Variants in SHPRH observed in about 807,000 individuals in gnomAD.
SHPRH encodes SNF2 histone linker PHD RING helicase.
In SHPRH, 106 loss-of-function variants were observed where a neutral mutation model predicts 202.5. The ratio of observed to expected loss-of-function variants is 0.52; its 90% CI spans 0.45 to 0.62. The LOEUF (loss-of-function observed/expected upper bound fraction) is 0.62. Ranked by LOEUF, SHPRH falls within the 20% of genes least tolerant of loss-of-function variation. SHPRH has a pLI of 0.00. For missense variants in SHPRH, 1,710 were observed against 2,020.0 expected, an observed-to-expected ratio of 0.85 and a Z score of 2.94; for synonymous variants, 729 against 686.0, an observed-to-expected ratio of 1.06 and a Z score of -0.98.
rs1582760620 is a variant in SHPRH, at chr6:145,936,488, G to C, written c.2570-1047C>G. Among the ~76,000 whole-genome samples the C allele has an allele frequency of 2.0e-5, 3 of 151,806 alleles. No individual in the cohort carries two copies. The East Asian group carries it at 5.8e-4, about 29-fold the overall frequency. On this transcript the variant is annotated intron_variant, in intron 11 of 29. Transcript: ENST00000275233. The stretch of plus-strand genomic sequence containing the variant: ...ATCATAGGTGTGTGCCACCATGCCT[G>C]GCTAATTTTTTTATTTTCTGTAGAG...
rs1554239366 is a variant in SHPRH at position 145,934,507 on chromosome 6, T to TAAAATAAAATAAAATA, written c.2990+399_2990+400insTATTTTATTTTATTTT. On this transcript the variant is annotated intron_variant, in intron 13 of 29. Transcript: ENST00000275233. ...TAAAATAAAATAAAATAAAATAAAA[T>TAAAATAAAATAAAATA]AAAAAGTAGCTGGCTGTAGCAGTGT... Among the ~76,000 whole-genome samples, 540 of 150,288 alleles carry TAAAATAAAATAAAATA rather than the reference T, an allele frequency of 3.6e-3. 13 individuals carry two copies. The East Asian group carries it at 0.065, about 18-fold the overall frequency.
At chr6:145,865,987 A>G (rs533249342) in intron 2 of SHPRH, among the ~76,000 whole-genome samples, 7 of 152,344 alleles carry the variant, frequency 4.6e-5, no homozygotes, top group East Asian at 1.9e-4. Flanking sequence ...TTGGAAATCT[A>G]TGCATTTATG....
chr6:145,942,759 G>C (rs1407419828), intron 9 of SHPRH, among the ~76,000 whole-genome samples: 1 of 152,170 alleles, frequency 6.6e-6, no homozygotes, highest in Non-Finnish European at 1.5e-5. Context: ...TGAAGCTTTA[G>C]AGGATGATTT....
At position 145,918,195 on chromosome 6, in the gene SHPRH, G is replaced by T. The variant is rs901069043; in HGVS notation, c.4190C>A (p.Ala1397Asp). The stretch of plus-strand genomic sequence containing the variant: ...TTTCTGAAGCTGTGATGTAGCAACA[G>T]CTTTATCATTTAGTAGTTTTATTCG... ...QNRIKLLNDK[A>D]VATSQLQKKL... is the part of the protein sequence containing the mutation. Residue 1397 changes from alanine to aspartate, a missense_variant, in exon 23 of 30, where the codon GCT becomes GAT. Physicochemically the swap from Ala to Asp is moderately radical, Grantham distance 126. Coordinates refer to ENST00000275233, the MANE Select transcript of SHPRH (RefSeq NM_001042683.3). 3.1e-6 allele frequency: 5 copies of T among 1,599,890 alleles called. No individual in the cohort carries two copies. The African/African-American group carries it at 6.8e-5, about 22-fold the overall frequency.
At chr6:145,916,347 G>T (rs926800558) in intron 23 of SHPRH, among the ~76,000 whole-genome samples, 6 of 152,046 alleles carry the variant, frequency 3.9e-5, no homozygotes, top group African/African-American at 1.4e-4. Context: ...GCTCACTGGA[G>T]CATTTCCAGT....
At chr6:145,914,351 T>C (rs949339955) in intron 23 of SHPRH, among the ~76,000 whole-genome samples, 1 of 152,182 alleles carries the variant, frequency 6.6e-6, no homozygotes, top group Non-Finnish European at 1.5e-5. Context: ...TGTAGCACTT[T>C]GTAAACAATC....
At chr6:145,902,921 T>G (rs1258180080) in intron 25 of SHPRH, among the ~76,000 whole-genome samples, 1 of 152,076 alleles carries the variant, frequency 6.6e-6, no homozygotes, top group Non-Finnish European at 1.5e-5. Context: ...TAAAGATAAG[T>G]TTTAGTTTAT....
chr6:145,887,920 T>G (rs1781224395), intron 29 of SHPRH, 100 bp downstream of exon 29: 1 of 882,396 alleles, frequency 1.1e-6, no homozygotes, highest in African/African-American at 1.7e-5. Flanking sequence ...AACGTATTTG[T>G]GCTATATTTT....
At chr6:145,884,013 GA>G (rs1204914186), downstream of SHPRH, 2 of 152,178 alleles carry the variant, frequency 1.3e-5, no homozygotes, top group Admixed American at 1.3e-4. Flanking sequence ...CACATTGGAA[GA>G]GCTATTAAAT....
At chr6:145,862,114 T>C (rs1378958750), downstream of SHPRH, among the ~76,000 whole-genome samples, 1 of 152,172 alleles carries the variant, frequency 6.6e-6, no homozygotes, top group Non-Finnish European at 1.5e-5. Flanking sequence ...ATAACAATAC[T>C]GTATTGTATA....
rs192692318 is a variant in SHPRH, at chr6:145,960,548, G to A, written c.-33+3183C>T. Among the ~76,000 whole-genome samples the A allele has an allele frequency of 4.6e-5, 7 of 152,270 alleles. No individual in the cohort carries two copies. In the East Asian group the frequency reaches 7.7e-4, roughly 17 times the overall value. ...TAGCAGAGTCTCACATTAGCAAAGC[G>A]ATGTGGCTTAAAGGTGAGAATGCAA... On this transcript the variant is annotated intron_variant, in intron 1 of 29. Transcript: ENST00000275233.
At chr6:145,898,601 C>T (rs892140540) in intron 25 of SHPRH, among the ~76,000 whole-genome samples, 27 of 152,020 alleles carry the variant, frequency 1.8e-4, no homozygotes, top group Non-Finnish European at 3.5e-4. Flanking sequence ...TGGTGCCATT[C>T]TCTTGGTAGT....
intron 29 of SHPRH, among the ~76,000 whole-genome samples, chr6:145,887,536 T>TG (rs1336454575): frequency 6.8e-6 from 1 of 147,582 alleles, no homozygotes; most frequent in Non-Finnish European, 1.5e-5. Context: ...CAAGTTTGTT[T>TG]TTTTTTTTTT....
At position 145,921,321 on chromosome 6, in the gene SHPRH, G is replaced by C; in HGVS notation, c.3854C>G (p.Pro1285Arg). 6.2e-7 allele frequency: 1 copy of C among 1,612,850 alleles called. No homozygotes were observed. Among genetic ancestry groups the C allele is most frequent in the Non-Finnish European group, 8.5e-7 (1 of 1,179,296 alleles). ...TGCCCAGAGACCCCGGGTGGTGGTA[G>C]GTGCTCGATCATCCACCAGTCCTTC... ...DEEGLVDDRA[P>R]TTTRGLWAIS... The change falls in exon 21 of 30, where the codon CCT becomes CGT. Residue 1285 changes from proline to arginine, a missense_variant. This residue lies in a region of SHPRH where 288 missense variants were observed against 317.8 expected (regional missense o/e 0.91). Transcript: ENST00000275233.
intron 9 of SHPRH, among the ~76,000 whole-genome samples, chr6:145,942,320 G>A (rs1786875593): frequency 6.6e-6 from 1 of 152,186 alleles, no homozygotes; most frequent in Non-Finnish European, 1.5e-5. Context: ...ACTGTGCTAA[G>A]CATTATCTCC....
chr6:145,895,048 C>A (rs2247206), intron 25 of SHPRH, 71 bp from the exon 26 acceptor site: 1 of 1,351,116 alleles, frequency 7.4e-7, no homozygotes, highest in Non-Finnish European at 1.0e-6. Flanking sequence ...AAAAGCAATA[C>A]AAAGTACTTT....
Position 145,947,642 on chromosome 6 carries a change from T to G in SHPRH, c.1063A>C (p.Ile355Leu). ...KLYYNPYTGC[I>L]IREYPNSGPQ... ...CCAGAATTTGGGTACTCACGAATGA[T>G]GCTGAGGAAAAAAACAAGATAAATC... The change falls in exon 6 of 30, where the codon ATC becomes CTC. Residue 355 changes from isoleucine (I) to leucine (L), a missense_variant and splice_region_variant. By Grantham distance (5) the Ile-to-Leu change is conservative. Transcript: ENST00000275233. The G allele has an allele frequency of 1.2e-6, 2 of 1,611,658 alleles. No homozygotes were observed. Among genetic ancestry groups the G allele is most frequent in the Non-Finnish European group, 1.7e-6 (2 of 1,178,748 alleles).
rs1784871586 is a variant in SHPRH, at chr6:145,926,276, G to A, written c.3222C>T (p.Asn1074=). ...DSLQRLHATH[N]LMELLIARHP... ...GCCTGGCTATCAACAATTCCATCAAGTTATGGGTAGCATGAAGTCTCTACA... is the reference window on the plus strand; with the variant it reads ...GCCTGGCTATCAACAATTCCATCAAATTATGGGTAGCATGAAGTCTCTACA... The change falls in exon 16 of 30, where the codon AAC becomes AAT. Residue 1074 remains asparagine (N), a synonymous_variant. Transcript: ENST00000275233. The A allele has an allele frequency of 6.2e-7, 1 of 1,612,674 alleles. No homozygotes were observed. Among genetic ancestry groups the A allele is most frequent in the Non-Finnish European group, 8.5e-7 (1 of 1,179,152 alleles).
intron 24 of SHPRH, among the ~76,000 whole-genome samples, chr6:145,911,905 C>G (rs2128738320): frequency 6.6e-6 from 1 of 152,186 alleles, no homozygotes; most frequent in African/African-American, 2.4e-5. Context: ...GGAGTTGAGA[C>G]TAATGAAATT....
Sources: gnomAD v4.1 joint callset for allele counts (sites outside exome capture counted in the v4.1 genomes callset) on GRCh38, gnomAD v4.1.1 for gene constraint, gnomAD v4.1.1 regional missense constraint, MANE v1.5 for transcripts, NCBI Gene and HGNC (gene_info 2026-07-23, HGNC 2026-07-21) for gene names.